Variants in CMYA5 observed in about 807,000 individuals in gnomAD.
CMYA5 encodes the protein cardiomyopathy associated 5.
Under a neutral mutation model 318.9 loss-of-function variants are expected in CMYA5, and 246 were observed. The observed-to-expected ratio is 0.77, with a 90% CI of 0.70 to 0.86. CMYA5 has a LOEUF of 0.86. CMYA5 is among the 40% of genes least tolerant of loss of function. The probability of loss-of-function intolerance (pLI) is 0.00; values close to 1 mark genes in which losing one functional copy is unlikely to be tolerated. For missense variants in CMYA5, 4,589 were observed against 4,678.2 expected (o/e 0.98, Z 0.56); for synonymous variants, 1,641 against 1,729.5 (o/e 0.95, Z 1.27).
In CMYA5 at chr5:79,737,806, C is replaced by G. The variant is rs1039060013; in HGVS notation, c.9041C>G (p.Thr3014Ser). 6.2e-7 allele frequency: 1 copy of G among 1,608,184 alleles called. No homozygotes were observed. Among genetic ancestry groups the G allele is most frequent in the African/African-American group, 1.3e-5 (1 of 74,402 alleles). The change falls in exon 2 of 13, where the codon ACC becomes AGC. Residue 3014 changes from threonine (T) to serine (S), a missense_variant. Thr to Ser is a moderately conservative substitution (Grantham distance 58). Coordinates refer to ENST00000446378, the MANE Select transcript of CMYA5 (RefSeq NM_153610.5). ...AGCAGGTTAGAAGATGAAAAAGTTA[C>G]CCCATTGAAAGAAAATAAACAAAAG... ...LKSRLEDEKV[T>S]PLKENKQKET...
intron 9 of CMYA5, chr5:79,778,234 T>C (rs1055671869): frequency 2.2e-4 from 33 of 152,258 alleles, no homozygotes; most frequent in African/African-American, 7.0e-4. Flanking sequence ...CTTGTGCATA[T>C]ATCATTTCAC....
At chr5:79,771,219 C>T (rs1478767785) in intron 9 of CMYA5, among the ~76,000 whole-genome samples, 1 of 152,152 alleles carries the variant, frequency 6.6e-6, no homozygotes, top group African/African-American at 2.4e-5. Flanking sequence ...CTCGTATTAG[C>T]AGTCAGGATT....
intron 9 of CMYA5, among the ~76,000 whole-genome samples, chr5:79,778,837 A>ATGTGTGTGTGTGTGTGTGTGTGTG (rs1828996149): frequency 2.1e-4 from 13 of 61,558 alleles, no homozygotes; most frequent in South Asian, 1.8e-3. Flanking sequence ...GTGTGTGTGT[A>ATGTGTGTGTGTGTGTGTGTGTGTG]TGTTTATTCA....
chr5:79,746,301 G>C (rs1398574887), intron 4 of CMYA5, among the ~76,000 whole-genome samples: 3 of 152,154 alleles, frequency 2.0e-5, no homozygotes, highest in Admixed American at 1.3e-4. Flanking sequence ...AACAATGTTA[G>C]CCTTTTGATT....
intron 12 of CMYA5, among the ~76,000 whole-genome samples, chr5:79,795,087 T>G (rs894590306): frequency 2.4e-4 from 37 of 152,122 alleles, no homozygotes; most frequent in African/African-American, 8.2e-4. Flanking sequence ...ATTCCTAGGC[T>G]CTAGAAGACA....
chr5:79,705,718 C>G (rs942920514), intron 1 of CMYA5, among the ~76,000 whole-genome samples: 46 of 152,186 alleles, frequency 3.0e-4, no homozygotes, highest in African/African-American at 9.9e-4. Context: ...TCAGTTTGAT[C>G]TCACCAATCA....
chr5:79,753,503 A>C (rs191668473), intron 6 of CMYA5, among the ~76,000 whole-genome samples: 161 of 152,238 alleles, frequency 1.1e-3, no homozygotes, highest in Non-Finnish European at 2.1e-3. Flanking sequence ...GATTACAGCT[A>C]TTCAGGAGGC....
In CMYA5 at chr5:79,737,864, A is replaced by C. The variant is rs765790091; in HGVS notation, c.9099A>C (p.Thr3033=). The change falls in exon 2 of 13, where the codon ACA becomes ACC. Residue 3033 remains threonine (T), a synonymous_variant. Coordinates refer to ENST00000446378, the MANE Select transcript of CMYA5 (RefSeq NM_153610.5). The stretch of plus-strand genomic sequence containing the variant: ...ATAAGACAAAAGAAGAGATATCCAC[A>C]GATTCAGAAACTGATTTATCATTTA... The part of the protein sequence containing the change: ...ETHKTKEEIS[T]DSETDLSFIQ... The C allele has an allele frequency of 6.3e-7, 1 of 1,598,750 alleles. No homozygotes were observed. The highest frequency in any genetic ancestry group is 8.5e-7 in the Non-Finnish European group (1 of 1,176,172).
rs375544711 is a variant in CMYA5 at position 79,736,793 on chromosome 5, C to G, written c.8028C>G (p.Phe2676Leu). Residue 2676 changes from phenylalanine to leucine, a missense_variant, in exon 2 of 13, where the codon TTC (phenylalanine) becomes TTG (leucine). Physicochemically the swap from Phe to Leu is conservative, Grantham distance 22. Around this residue, in one of 3 missense-constraint regions of CMYA5, gnomAD observed 2,431 missense variants for 2,495.1 expected, o/e 0.97. Coordinates refer to ENST00000446378, the MANE Select transcript of CMYA5 (RefSeq NM_153610.5). ...MPDHSEEKEQ[F>L]RESELSKGGS... ...ATCACAGTGAAGAAAAAGAACAGTT[C>G]AGAGAGTCAGAGCTATCGAAAGGCG... The G allele has an allele frequency of 1.2e-6, 2 of 1,611,258 alleles. No homozygotes were observed. Among genetic ancestry groups the G allele is most frequent in the African/African-American group, 2.7e-5 (2 of 73,998 alleles).
intron 12 of CMYA5, 136 bp from the exon 13 acceptor site, chr5:79,799,234 T>A: frequency 1.2e-6 from 1 of 821,428 alleles, no homozygotes; most frequent in Non-Finnish European, 1.9e-6. Flanking sequence ...AGTGAAGTAT[T>A]TGGGACAGCA....
chr5:79,732,937 T>C lies in CMYA5; in HGVS notation c.4172T>C (p.Val1391Ala). The C allele has an allele frequency of 6.2e-7, 1 of 1,613,620 alleles. No individual in the cohort carries two copies. Among genetic ancestry groups the C allele is most frequent in the Non-Finnish European group, 8.5e-7 (1 of 1,179,768 alleles). Residue 1391 changes from valine (V) to alanine (A), a missense_variant, in exon 2 of 13, where the codon GTA becomes GCA. Transcript: ENST00000446378. Reference sequence around the variant, plus strand: ...GTAGATCGTCCAGTCTTAACAAAAGTAGGAAAGGGTGAATTAGGAAGTGGT... The same window carrying C: ...GTAGATCGTCCAGTCTTAACAAAAGCAGGAAAGGGTGAATTAGGAAGTGGT... The part of the protein sequence containing the change: ...TPVDRPVLTK[V>A]GKGELGSGLP...
chr5:79,737,491 C>T lies in CMYA5; in HGVS notation c.8726C>T (p.Ser2909Phe). Residue 2909 changes from serine to phenylalanine, a missense_variant, in exon 2 of 13, where the codon TCT becomes TTT. By Grantham distance (155) the Ser-to-Phe change is radical. Transcript: ENST00000446378. ...GCAAGCAATGCTGATAAAATGGTTT[C>T]TAATAAAGAAATGCCCAAGGAACCT... The part of the protein sequence containing the change: ...TSASNADKMV[S>F]NKEMPKEPED... 6.2e-7 allele frequency: 1 copy of T among 1,613,556 alleles called. No individual in the cohort carries two copies. The highest frequency in any genetic ancestry group is 8.5e-7 in the Non-Finnish European group (1 of 1,179,766).
chr5:79,713,181 G>A (rs1000942776), intron 1 of CMYA5, among the ~76,000 whole-genome samples: 2 of 152,144 alleles, frequency 1.3e-5, no homozygotes, highest in African/African-American at 2.4e-5. Context: ...CATATCTGAA[G>A]ACATTTTTTA....
chr5:79,738,806 T>A lies in CMYA5; in HGVS notation c.10041T>A (p.His3347Gln). ...SYAVPFEDTH[H>Q]VLERADEAGS... ...CGGTTCCATTTGAAGACACCCATCA[T>A]GTTCTGGAGCGTGCAGATGAAGCAG... The change falls in exon 2 of 13, where the codon CAT (histidine) becomes CAA (glutamine). Residue 3347 changes from histidine (H) to glutamine (Q), a missense_variant. By Grantham distance (24) the His-to-Gln change is conservative (BLOSUM62 0). Transcript: ENST00000446378. 6.2e-7 allele frequency: 1 copy of A among 1,613,910 alleles called. No homozygotes were observed.
intron 1 of CMYA5, among the ~76,000 whole-genome samples, chr5:79,698,966 T>TG (rs979721809): frequency 4.6e-5 from 7 of 152,252 alleles, no homozygotes; most frequent in African/African-American, 1.7e-4. Context: ...GAGACCAGCC[T>TG]GGGGAACACG....
At position 79,738,827 on chromosome 5, in the gene CMYA5, A is replaced by G. The variant is rs1223464413; in HGVS notation, c.10062A>G (p.Glu3354=). Residue 3354 remains glutamate, a synonymous_variant, in exon 2 of 13, where the codon GAA becomes GAG. Coordinates refer to ENST00000446378, the MANE Select transcript of CMYA5 (RefSeq NM_153610.5). Reference sequence around the variant, plus strand: ...ATCATGTTCTGGAGCGTGCAGATGAAGCAGGCAGTCACGGTAATGAAGTCG... The same window carrying G: ...ATCATGTTCTGGAGCGTGCAGATGAGGCAGGCAGTCACGGTAATGAAGTCG... ...DTHHVLERAD[E]AGSHGNEVGN... is the part of the protein sequence containing the mutation. The G allele has an allele frequency of 1.2e-6, 2 of 1,613,790 alleles. No homozygotes were observed. Among genetic ancestry groups the G allele is most frequent in the Non-Finnish European group, 1.7e-6 (2 of 1,179,858 alleles).
At chr5:79,725,826 C>T (rs937584346) in intron 1 of CMYA5, among the ~76,000 whole-genome samples, 18 of 152,186 alleles carry the variant, frequency 1.2e-4, no homozygotes, top group Admixed American at 1.2e-3. Context: ...ATCACTTAAA[C>T]CCAGGAGGCA....
In CMYA5 at chr5:79,730,274, A is replaced by T. The variant is rs1319084358; in HGVS notation, c.1509A>T (p.Glu503Asp). The change falls in exon 2 of 13, where the codon GAA (glutamate) becomes GAT (aspartate). Residue 503 changes from glutamate (E) to aspartate (D), a missense_variant. Physicochemically the swap from Glu to Asp is conservative, Grantham distance 45. Transcript: ENST00000446378. ...ISLSEPLMLEEPEKEEIETSL... is the reference protein window; with the variant it reads ...ISLSEPLMLEDPEKEEIETSL... ...TTTCTGAACCTCTAATGTTAGAAGA[A>T]CCAGAGAAAGAAGAAATAGAAACTT... is the stretch of plus-strand genomic sequence containing the variant. 6.2e-7 allele frequency: 1 copy of T among 1,614,010 alleles called. No individual in the cohort carries two copies. The highest frequency in any genetic ancestry group is 8.5e-7 in the Non-Finnish European group (1 of 1,179,874).
At chr5:79,788,874 T>C (rs1226920743) in intron 9 of CMYA5, 97 bp from the exon 10 acceptor site, 1 of 1,235,150 alleles carries the variant, frequency 8.1e-7, no homozygotes, top group Non-Finnish European at 1.1e-6. Flanking sequence ...AAGTTATTTG[T>C]TGCTAATAAA....
Sources: allele counts gnomAD v4.1 joint callset (sites outside exome capture counted in the v4.1 genomes callset), GRCh38; gene constraint gnomAD v4.1.1; regional missense constraint gnomAD v4.1.1; transcripts MANE v1.5; gene names NCBI Gene and HGNC (gene_info 2026-07-23, HGNC 2026-07-21).